The following CERS3 variants were observed in gnomAD, a reference collection of about 807,000 sequenced individuals.
CERS3 encodes the protein LAG1 homolog, ceramide synthase 3.
A neutral mutation model predicts 50.3 loss-of-function variants in CERS3; 33 were observed. That is an observed-to-expected ratio of 0.66 (90% confidence interval 0.50 to 0.88). The LOEUF is 0.88. Ranked by LOEUF, CERS3 falls within the 40% of genes least tolerant of loss-of-function variation. CERS3 has a pLI of 0.00. For synonymous variants in CERS3, 176 were observed against 155.2 expected, an observed-to-expected ratio of 1.13 and a Z score of -0.99; for missense variants, 470 against 460.3, an observed-to-expected ratio of 1.02 and a Z score of -0.19.
chr15:100,435,265 C>T (rs190443928), intron 11 of CERS3, among the ~76,000 whole-genome samples: 26 of 152,222 alleles, frequency 1.7e-4, no homozygotes, highest in Admixed American at 6.5e-4. Context: ...AATTGGAGTA[C>T]GGAAGATCCC....
Position 100,490,882 on chromosome 15 carries a change from G to A in CERS3, c.223C>T (p.Arg75Ter), listed in dbSNP as rs747911784. 2.5e-6 allele frequency: 4 copies of A among 1,611,166 alleles called. No homozygotes were observed. The highest frequency in any genetic ancestry group is 1.7e-5 in the Admixed American group (1 of 59,500). ...AAGACAGTATTTGGTGTAACCTTTCGAACTGTCTCTTTAATGCCAAATGAT... is the reference window on the plus strand; with the variant it reads ...AAGACAGTATTTGGTGTAACCTTTCAAACTGTCTCTTTAATGCCAAATGAT... ...AKSFGIKETV[R>*]KVTPNTVLEN... The change falls in exon 4 of 12, where the codon CGA (arginine) becomes TGA (stop). Residue 75 changes from arginine (R) to a stop codon, truncating the protein, a stop_gained. Transcript: ENST00000679737. LOFTEE classifies it high-confidence loss of function.
rs188383364 is a variant in CERS3 at position 100,438,901 on chromosome 15, G to A, written c.999+16992C>T. Among the ~76,000 whole-genome samples, 6 of 152,326 alleles carry A rather than the reference G, an allele frequency of 3.9e-5. No homozygotes were observed. In the South Asian group the frequency reaches 6.2e-4, roughly 16 times the overall value. The stretch of plus-strand genomic sequence containing the variant: ...AAGAAGAGAATAAAAGCTTAAGGAT[G>A]ATCAAGTCCTCTTAAGTAATATTAA... On this transcript the variant is annotated intron_variant, in intron 11 of 11. Coordinates refer to ENST00000679737, the MANE Select transcript of CERS3 (RefSeq NM_001378789.1).
intron 11 of CERS3, among the ~76,000 whole-genome samples, chr15:100,437,180 C>T (rs773322656): frequency 7.2e-5 from 11 of 152,084 alleles, no homozygotes; most frequent in East Asian, 1.9e-4. Context: ...CTCCTGACCT[C>T]GTGATCCGCC....
At chr15:100,479,154 G>C (rs2035224199) in intron 7 of CERS3, among the ~76,000 whole-genome samples, 1 of 151,688 alleles carries the variant, frequency 6.6e-6, no homozygotes, top group African/African-American at 2.4e-5. Flanking sequence ...AAGCAAGAAG[G>C]GAGTACAAAA....
chr15:100,540,388 C>CA (rs2037171267), intron 1 of CERS3, among the ~76,000 whole-genome samples: 1 of 152,110 alleles, frequency 6.6e-6, no homozygotes, highest in South Asian at 2.1e-4. Flanking sequence ...ACTGAAAACA[C>CA]AAAAAATTAG....
At position 100,501,715 on chromosome 15, in the gene CERS3, A is replaced by G. The variant is rs1349670414; in HGVS notation, c.135T>C (p.Tyr45=). ...KPSHLYVTIP[Y]AFLLLIIRRV... is the part of the protein sequence containing the mutation. ...GTCTGATAATCAGCAAGAGAAAAGC[A>G]TATGGAATTGTCACGTATAAATGAG... is the stretch of plus-strand genomic sequence containing the variant. Residue 45 remains tyrosine, a synonymous_variant, in exon 3 of 12, where the codon TAT becomes TAC. Coordinates refer to ENST00000679737, the MANE Select transcript of CERS3 (RefSeq NM_001378789.1). 2.5e-6 allele frequency: 4 copies of G among 1,613,862 alleles called. No individual in the cohort carries two copies. The highest frequency in any genetic ancestry group is 2.2e-5 in the East Asian group (1 of 44,884).
At chr15:100,479,139 T>C (rs1415484427) in intron 7 of CERS3, among the ~76,000 whole-genome samples, 1 of 151,780 alleles carries the variant, frequency 6.6e-6, no homozygotes, top group Non-Finnish European at 1.5e-5. Flanking sequence ...GACTGTCCCA[T>C]AGAAAAGCAA....
chr15:100,440,299 G>A (rs1450108190), intron 11 of CERS3, among the ~76,000 whole-genome samples: 3 of 152,270 alleles, frequency 2.0e-5, no homozygotes, highest in Admixed American at 1.3e-4. Flanking sequence ...TATCCCCTGT[G>A]ACCTGCACAT....
At chr15:100,519,408 G>C (rs2036581285) in intron 2 of CERS3, among the ~76,000 whole-genome samples, 1 of 138,430 alleles carries the variant, frequency 7.2e-6, no homozygotes, top group Admixed American at 7.9e-5. Flanking sequence ...ATGTCTTTAG[G>C]TTGCTCTAAA....
rs1357123993 is a variant in CERS3 at position 100,402,253 on chromosome 15, TG to T, written c.*459del. The T allele has an allele frequency of 2.5e-5, 4 of 156,970 alleles. No homozygotes were observed. The highest frequency in any genetic ancestry group is 9.6e-5 in the African/African-American group (4 of 41,484). The allele number at this position is 156,970 out of a possible 1,614,324, so 9.7% of individuals were successfully genotyped here. On this transcript the variant is annotated 3_prime_UTR_variant, in exon 12 of 12. Coordinates refer to ENST00000679737, the MANE Select transcript of CERS3 (RefSeq NM_001378789.1). ...TTCAGGATGGAAGTGTCTCCTGGTG[TG>T]GTCCTTCCGCTCCTGTCCCACTGCC...
rs201943059 is a variant in CERS3 at position 100,541,471 on chromosome 15, T to TAA, written c.-355+3178_-355+3179dup. On this transcript the variant is annotated intron_variant, in intron 1 of 12. Transcript: ENST00000284382. Reference sequence around the variant, plus strand: ...TGGGTGACAGAGCGAGACTCCATCTTAAAAAAAAAAAGTGTTCCTCACTGG... The same window carrying TAA: ...TGGGTGACAGAGCGAGACTCCATCTTAAAAAAAAAAAAAGTGTTCCTCACTGG... 7.3e-3 allele frequency among the ~76,000 whole-genome samples: 1,066 copies of TAA among 146,528 alleles called. 6 individuals carry two copies. Among genetic ancestry groups the TAA allele is most frequent in the African/African-American group, 0.025 (992 of 40,182 alleles).
Position 100,402,654 on chromosome 15 carries a change from G to A in CERS3, c.*59C>T. Reference sequence around the variant, plus strand: ...TGTGGGGTCGGTGTGGGGCCTGGAAGCCAGGCTGCCAACAGTACTTGCAGC... The same window carrying A: ...TGTGGGGTCGGTGTGGGGCCTGGAAACCAGGCTGCCAACAGTACTTGCAGC... On this transcript the variant is annotated 3_prime_UTR_variant, in exon 12 of 12. Transcript: ENST00000679737. The A allele has an allele frequency of 2.6e-6, 4 of 1,556,504 alleles. No homozygotes were observed. In the South Asian group the frequency reaches 3.6e-5, roughly 14 times the overall value.
At chr15:100,527,379 T>C (rs1362016037) in intron 1 of CERS3, among the ~76,000 whole-genome samples, 1 of 152,206 alleles carries the variant, frequency 6.6e-6, no homozygotes, top group African/African-American at 2.4e-5. Context: ...TTGATCTGTC[T>C]TTCTAGTCAA....
intron 2 of CERS3, among the ~76,000 whole-genome samples, chr15:100,506,462 C>CCCCCG (rs1555533154): frequency 2.9e-4 from 2 of 6,890 alleles, no homozygotes; most frequent in South Asian, 0.023. Flanking sequence ...GAAATCGGGA[C>CCCCCG]CCCCCCGCCG....
chr15:100,473,430 G>C (rs2142248171), intron 8 of CERS3, among the ~76,000 whole-genome samples: 1 of 152,248 alleles, frequency 6.6e-6, no homozygotes, highest in East Asian at 1.9e-4. Flanking sequence ...CATTAAATAA[G>C]TTAGTGCATA....
chr15:100,538,028 G>A (rs552876146), intron 1 of CERS3, among the ~76,000 whole-genome samples: 1 of 152,356 alleles, frequency 6.6e-6, no homozygotes, highest in East Asian at 1.9e-4. Flanking sequence ...CAGGCCCTAT[G>A]CAAGTTGGAC....
intron 2 of CERS3, chr15:100,503,932 T>C (rs939622193): frequency 5.6e-6 from 2 of 359,890 alleles, no homozygotes; most frequent in South Asian, 4.1e-5. Flanking sequence ...CTCAAGGGAG[T>C]GAAGGTCAAA....
At chr15:100,531,925 T>C (rs60792602), upstream of CERS3, among the ~76,000 whole-genome samples, 3,825 of 152,158 alleles carry the variant, frequency 0.025, 74 homozygotes, top group East Asian at 0.077. Flanking sequence ...TGGAGAGGTG[T>C]TGTCGGGAGC....
At chr15:100,531,106 C>A (rs980364597), upstream of CERS3, among the ~76,000 whole-genome samples, 2 of 151,918 alleles carry the variant, frequency 1.3e-5, no homozygotes, top group Admixed American at 6.6e-5. Flanking sequence ...AAACAAAAAA[C>A]AAAAAAACCA....
Sources: gnomAD v4.1 joint callset for allele counts (sites outside exome capture counted in the v4.1 genomes callset) on GRCh38, gnomAD v4.1.1 for gene constraint, MANE v1.5 for transcripts, NCBI Gene and HGNC (gene_info 2026-07-23, HGNC 2026-07-21) for gene names.